The following GALNT13 variants were observed in gnomAD, a reference collection of about 807,000 sequenced individuals.
The protein encoded by GALNT13 is UDP-GalNAc:polypeptide N-acetylgalactosaminyltransferase 13.
In GALNT13, 28 loss-of-function variants were observed where a neutral mutation model predicts 64.2. The observed-to-expected ratio is 0.44, with a 90% confidence interval of 0.32 to 0.60. GALNT13 has a LOEUF of 0.60. GALNT13 is among the 20% of genes least tolerant of loss of function. The probability of loss-of-function intolerance (pLI) is 0.05; values close to 1 mark genes in which losing one functional copy is unlikely to be tolerated. For missense variants in GALNT13, 577 were observed against 669.8 expected (o/e 0.86, Z 1.53); for synonymous variants, 214 against 224.6 (o/e 0.95, Z 0.42).
chr2:153,434,985 C>A, the GALNT13 span, among the ~76,000 whole-genome samples: 1 of 152,154 alleles, frequency 6.6e-6, no homozygotes, highest in African/African-American at 2.4e-5. Context: ...AGTCTTTAAT[C>A]CATCTTGAAT....
At chr2:153,678,340 T>C in the GALNT13 span, among the ~76,000 whole-genome samples, 3 of 152,054 alleles carry the variant, frequency 2.0e-5, no homozygotes, top group African/African-American at 7.2e-5. Context: ...TGGAATTCTA[T>C]GTAGCCGTAA....
At chr2:153,504,649 T>C in the GALNT13 span, among the ~76,000 whole-genome samples, 12 of 152,228 alleles carry the variant, frequency 7.9e-5, no homozygotes, top group African/African-American at 2.9e-4. Context: ...GATCATATGA[T>C]TTTTGTTTTT....
intron 3 of GALNT13, among the ~76,000 whole-genome samples, chr2:154,043,736 CAT>C (rs1318152689): frequency 6.6e-6 from 1 of 151,966 alleles, no homozygotes; most frequent in African/African-American, 2.4e-5. Flanking sequence ...TCAGCTGAGA[CAT>C]AAAACATACA....
chr2:153,612,455 A>G, the GALNT13 span, among the ~76,000 whole-genome samples: 2 of 152,192 alleles, frequency 1.3e-5, no homozygotes. Context: ...GATGAGTTCT[A>G]AAAGGAGAAT....
chr2:153,366,720 GACACACACACACACACACACACAC>G, the GALNT13 span, among the ~76,000 whole-genome samples: 16 of 109,112 alleles, frequency 1.5e-4, no homozygotes, highest in Admixed American at 4.0e-4. Flanking sequence ...AGCACACAGG[GACACACACACACACACACACACAC>G]ACACACACAC....
chr2:153,941,278 G>A (rs1009774014), intron 2 of GALNT13, among the ~76,000 whole-genome samples: 5 of 152,216 alleles, frequency 3.3e-5, no homozygotes, highest in Admixed American at 2.6e-4. Flanking sequence ...TTACAGGCAT[G>A]AGCCACTGTG....
the GALNT13 span, among the ~76,000 whole-genome samples, chr2:153,142,304 G>A: frequency 2.0e-5 from 3 of 152,006 alleles, no homozygotes; most frequent in Admixed American, 6.6e-5. Context: ...AAAGCCGCAG[G>A]GAGTTTTATT....
intron 9 of GALNT13, among the ~76,000 whole-genome samples, chr2:154,374,039 G>A (rs707041): frequency 0.99 from 151,026 of 152,334 alleles, 74,883 homozygotes; most frequent in Middle Eastern, 1. Flanking sequence ...CAGTTCACCA[G>A]TTATAACATG....
intron 11 of GALNT13, among the ~76,000 whole-genome samples, chr2:154,420,516 T>C (rs1156350929): frequency 6.6e-6 from 1 of 152,182 alleles, no homozygotes; most frequent in African/African-American, 2.4e-5. Flanking sequence ...TACTCATTAC[T>C]GTGAAATGTA....
At chr2:154,407,245 A>G (rs978058144) in intron 10 of GALNT13, among the ~76,000 whole-genome samples, 1 of 152,140 alleles carries the variant, frequency 6.6e-6, no homozygotes, top group African/African-American at 2.4e-5. Flanking sequence ...TGAATTCGTC[A>G]TTTTGTGAGA....
the GALNT13 span, among the ~76,000 whole-genome samples, chr2:153,803,646 A>T: frequency 8.2e-5 from 12 of 147,154 alleles, no homozygotes; most frequent in Non-Finnish European, 1.5e-4. Flanking sequence ...GAGCGGAGAT[A>T]GCGCCACTGC....
the GALNT13 span, among the ~76,000 whole-genome samples, chr2:153,592,046 T>G: frequency 2.0e-5 from 3 of 148,856 alleles, no homozygotes; most frequent in African/African-American, 7.6e-5. Flanking sequence ...AAAAGCAAAC[T>G]GACAAATGGT....
the GALNT13 span, among the ~76,000 whole-genome samples, chr2:153,097,278 A>G: frequency 6.6e-6 from 1 of 151,996 alleles, no homozygotes; most frequent in Non-Finnish European, 1.5e-5. Context: ...TATTTTTTCT[A>G]CCTAGGATAA....
At chr2:153,510,365 T>G in the GALNT13 span, among the ~76,000 whole-genome samples, 4 of 152,144 alleles carry the variant, frequency 2.6e-5, no homozygotes, top group African/African-American at 9.7e-5. Flanking sequence ...GCTGGACTCA[T>G]TTACTCAATA....
At chr2:153,278,924 T>C in the GALNT13 span, among the ~76,000 whole-genome samples, 1 of 152,198 alleles carries the variant, frequency 6.6e-6, no homozygotes, top group African/African-American at 2.4e-5. Context: ...GAAATAGTAT[T>C]GAATCTGCAG....
At chr2:154,021,549 T>A (rs955824119) in intron 3 of GALNT13, among the ~76,000 whole-genome samples, 4 of 152,150 alleles carry the variant, frequency 2.6e-5, no homozygotes, top group Non-Finnish European at 4.4e-5. Context: ...GTATATTGAT[T>A]TTGTATCCTG....
At chr2:153,083,344 T>G in the GALNT13 span, among the ~76,000 whole-genome samples, 1 of 152,220 alleles carries the variant, frequency 6.6e-6, no homozygotes, top group Non-Finnish European at 1.5e-5. Context: ...TGCACTAGTT[T>G]ACATTTCTGC....
the GALNT13 span, among the ~76,000 whole-genome samples, chr2:153,284,233 C>T: frequency 0.48 from 72,686 of 152,000 alleles, 18,003 homozygotes; most frequent in Middle Eastern, 0.62. Flanking sequence ...TCTGTATTGC[C>T]GAGCTGGCCC....
chr2:154,126,525 C>G (rs1682275586), intron 3 of GALNT13, among the ~76,000 whole-genome samples: 1 of 151,768 alleles, frequency 6.6e-6, no homozygotes, highest in South Asian at 2.1e-4. Flanking sequence ...GTCCCAGCCA[C>G]CAGGGAGGCT....
Sources: gnomAD v4.1 joint callset for allele counts (sites outside exome capture counted in the v4.1 genomes callset) on GRCh38, gnomAD v4.1.1 for gene constraint, MANE v1.5 for transcripts, NCBI Gene and HGNC (gene_info 2026-07-23, HGNC 2026-07-21) for gene names.